SLC24A2: variants seen among roughly 807,000 people sequenced by gnomAD.
SLC24A2 encodes the protein sodium/potassium/calcium exchanger 2.
A neutral mutation model predicts 62.0 loss-of-function variants in SLC24A2; 36 were observed. The ratio of observed to expected loss-of-function variants is 0.58; its 90% CI spans 0.44 to 0.77. The LOEUF is 0.77. SLC24A2 is among the 30% of genes least tolerant of loss of function. The pLI is 0.00. For missense variants in SLC24A2, 846 were observed against 817.9 expected, an observed-to-expected ratio of 1.03 and a Z score of -0.42; for synonymous variants, 358 against 294.0, an observed-to-expected ratio of 1.22 and a Z score of -2.23.
chr9:20,179,376 G>A, the SLC24A2 span, among the ~76,000 whole-genome samples: 2 of 152,302 alleles, frequency 1.3e-5, no homozygotes, highest in Admixed American at 1.3e-4. Context: ...GAGAAAAAAA[G>A]GAATGAAATG....
At chr9:19,806,779 G>T in the SLC24A2 span, among the ~76,000 whole-genome samples, 6 of 152,158 alleles carry the variant, frequency 3.9e-5, no homozygotes, top group Admixed American at 2.0e-4. Context: ...TCTGTGCCAT[G>T]CGACTCACAT....
At chr9:19,781,058 A>G (rs1823003939) in intron 2 of SLC24A2, among the ~76,000 whole-genome samples, 1 of 152,238 alleles carries the variant, frequency 6.6e-6, no homozygotes, top group African/African-American at 2.4e-5. Context: ...CATAGTAAAT[A>G]TAAACAAAGT....
chr9:19,702,726 C>T (rs71508799), intron 2 of SLC24A2, among the ~76,000 whole-genome samples: 27,316 of 151,988 alleles, frequency 0.18, 2,588 homozygotes, highest in Middle Eastern at 0.24. Context: ...TCTTAATTTA[C>T]GTGGTACTAA....
the SLC24A2 span, among the ~76,000 whole-genome samples, chr9:19,876,912 C>G: frequency 6.6e-6 from 1 of 152,054 alleles, no homozygotes; most frequent in African/African-American, 2.4e-5. Flanking sequence ...CTGTTTTCTG[C>G]TTCATTTTTG....
chr9:20,244,445 C>T, the SLC24A2 span, among the ~76,000 whole-genome samples: 4 of 152,174 alleles, frequency 2.6e-5, no homozygotes, highest in East Asian at 5.8e-4. Flanking sequence ...GCAGAGGACC[C>T]GCCCAGCCCC....
chr9:20,282,607 T>A, the SLC24A2 span, among the ~76,000 whole-genome samples: 3 of 152,152 alleles, frequency 2.0e-5, no homozygotes, highest in Non-Finnish European at 4.4e-5. Context: ...AGAAGTAACA[T>A]GAATTGGTAT....
chr9:19,703,351 C>A (rs1181657122), intron 2 of SLC24A2, among the ~76,000 whole-genome samples: 2 of 152,290 alleles, frequency 1.3e-5, no homozygotes, highest in South Asian at 4.1e-4. Flanking sequence ...ATTCCAAATC[C>A]TGTGCTTTCT....
At chr9:19,734,806 T>C (rs1174880894) in intron 2 of SLC24A2, among the ~76,000 whole-genome samples, 2 of 152,072 alleles carry the variant, frequency 1.3e-5, no homozygotes, top group African/African-American at 4.8e-5. Flanking sequence ...TTTCTAGCCA[T>C]ATGTAGAAAG....
the SLC24A2 span, among the ~76,000 whole-genome samples, chr9:20,109,220 T>A: frequency 6.6e-6 from 1 of 152,192 alleles, no homozygotes; most frequent in Non-Finnish European, 1.5e-5. Flanking sequence ...TCAAAATTTA[T>A]CCTTAAGTGA....
rs1284684933 is a variant in SLC24A2, at chr9:19,509,714, TTTTC to T, written c.*6435_*6438del. The T allele has an allele frequency of 6.6e-6, 1 of 152,226 alleles. No homozygotes were observed. The highest frequency in any genetic ancestry group is 2.4e-5 in the African/African-American group (1 of 41,466). The allele number at this position is 152,226 out of a possible 1,614,324, so 9.4% of individuals were successfully genotyped here. ...ATTCAGGATTTCAGACTTTTTTTACTTTTCTGTTTTTTATGACATGATTTTAAAA... is the reference window on the plus strand; with the variant it reads ...ATTCAGGATTTCAGACTTTTTTTACTTGTTTTTTATGACATGATTTTAAAA... On this transcript the variant is annotated 3_prime_UTR_variant, in exon 11 of 11. Coordinates refer to ENST00000341998, the MANE Select transcript of SLC24A2 (RefSeq NM_020344.4).
At chr9:19,888,473 A>G in the SLC24A2 span, among the ~76,000 whole-genome samples, 2 of 152,052 alleles carry the variant, frequency 1.3e-5, no homozygotes, top group Admixed American at 6.5e-5. Context: ...CCCCAACCTC[A>G]TGTGTAATGT....
At chr9:19,730,225 A>G (rs1273671692) in intron 2 of SLC24A2, among the ~76,000 whole-genome samples, 1 of 152,162 alleles carries the variant, frequency 6.6e-6, no homozygotes, top group Non-Finnish European at 1.5e-5. Flanking sequence ...GAGTCTTTGG[A>G]AAATATTTGA....
At chr9:20,164,869 T>G in the SLC24A2 span, among the ~76,000 whole-genome samples, 1 of 150,726 alleles carries the variant, frequency 6.6e-6, no homozygotes, top group Non-Finnish European at 1.5e-5. Flanking sequence ...TCATTCTCAG[T>G]AAACTATCGC....
At chr9:20,190,072 G>A in the SLC24A2 span, among the ~76,000 whole-genome samples, 1 of 152,160 alleles carries the variant, frequency 6.6e-6, no homozygotes, top group African/African-American at 2.4e-5. Flanking sequence ...CCTCTCCAGC[G>A]GTTCCCTGGG....
At chr9:19,997,438 A>G in the SLC24A2 span, among the ~76,000 whole-genome samples, 5 of 152,256 alleles carry the variant, frequency 3.3e-5, no homozygotes, top group East Asian at 7.7e-4. Context: ...AGGTCATGAT[A>G]CCTTTTACAT....
At chr9:19,807,674 C>T in the SLC24A2 span, among the ~76,000 whole-genome samples, 2 of 152,208 alleles carry the variant, frequency 1.3e-5, no homozygotes, top group African/African-American at 4.8e-5. Flanking sequence ...AAACTGCAGA[C>T]AGTCTTTCTC....
In SLC24A2 at chr9:19,632,080, G is replaced by A. The variant is rs1207421182; in HGVS notation, c.931-9781C>T. Reference sequence around the variant, plus strand: ...ACAGAGTAGATGGTAAGGACTAGGAGTCCCATTAGTGGGGCTTGACATGAG... The same window carrying A: ...ACAGAGTAGATGGTAAGGACTAGGAATCCCATTAGTGGGGCTTGACATGAG... On this transcript the variant is annotated intron_variant, in intron 2 of 10. Transcript: ENST00000341998. The surrounding 1 kb of genome is among the most constrained non-coding windows in gnomAD (Gnocchi z 4.5). 1.3e-5 allele frequency among the ~76,000 whole-genome samples: 2 copies of A among 152,194 alleles called. No individual in the cohort carries two copies. Among genetic ancestry groups the A allele is most frequent in the Non-Finnish European group, 2.9e-5 (2 of 68,042 alleles).
At chr9:19,831,437 T>C in the SLC24A2 span, among the ~76,000 whole-genome samples, 1 of 152,192 alleles carries the variant, frequency 6.6e-6, no homozygotes, top group Non-Finnish European at 1.5e-5. Context: ...ACCTCCTTCC[T>C]GCTGGCAGAT....
chr9:20,173,742 T>C, the SLC24A2 span, among the ~76,000 whole-genome samples: 1 of 151,804 alleles, frequency 6.6e-6, no homozygotes, highest in East Asian at 1.9e-4. Context: ...CGTACATAGG[T>C]AGAATCAACA....
Sources: gnomAD v4.1 joint callset for allele counts (sites outside exome capture counted in the v4.1 genomes callset) on GRCh38, gnomAD v4.1.1 for gene constraint, Gnocchi (gnomAD v3.1) non-coding constraint, MANE v1.5 for transcripts, NCBI Gene and HGNC (gene_info 2026-07-23, HGNC 2026-07-21) for gene names.